Variants in EPB41L2 observed in about 807,000 individuals in gnomAD.
EPB41L2 encodes band 4.1-like protein 2.
EPB41L2 carries 43 observed loss-of-function variants against 113.0 expected under a neutral mutation model. That is an observed-to-expected ratio of 0.38 (90% CI 0.30 to 0.49). EPB41L2 has a LOEUF of 0.49. Among genes scored for constraint, EPB41L2 ranks in the 20% least tolerant of loss-of-function variants. The pLI is 0.95. For synonymous variants in EPB41L2, 442 were observed against 436.7 expected (o/e 1.01, Z -0.15); for missense variants, 1,147 against 1,223.4 (o/e 0.94, Z 0.93).
intron 1 of EPB41L2, among the ~76,000 whole-genome samples, chr6:130,978,311 C>T (rs894339660): frequency 2.0e-5 from 3 of 152,198 alleles, no homozygotes; most frequent in African/African-American, 7.2e-5. Context: ...GAGGTACAGC[C>T]CCAATCTGGG....
intron 3 of EPB41L2, among the ~76,000 whole-genome samples, chr6:130,937,779 G>A (rs935544503): frequency 1.3e-5 from 2 of 148,686 alleles, no homozygotes; most frequent in African/African-American, 5.1e-5. Flanking sequence ...TCGTGCCACT[G>A]CCCTCCGGCC....
intron 1 of EPB41L2, among the ~76,000 whole-genome samples, chr6:131,048,008 G>A (rs1304661130): frequency 2.0e-5 from 3 of 151,420 alleles, no homozygotes; most frequent in Admixed American, 6.6e-5. Context: ...GCATAGTGGC[G>A]GGTACATGTA....
At chr6:131,048,155 A>AAAAAAAG (rs1562797570) in intron 1 of EPB41L2, among the ~76,000 whole-genome samples, 1 of 93,710 alleles carries the variant, frequency 1.1e-5, no homozygotes, top group African/African-American at 3.1e-5. Flanking sequence ...AAAAAAAAAA[A>AAAAAAAG]AAGAAAAAAA....
chr6:131,045,308 C>T (rs1312238666), intron 1 of EPB41L2, among the ~76,000 whole-genome samples: 4 of 103,844 alleles, frequency 3.9e-5, no homozygotes, highest in African/African-American at 9.5e-5. Context: ...ACATTTTACA[C>T]AAAATATTTC....
At chr6:130,865,208 C>G (rs977383342) in intron 17 of EPB41L2, among the ~76,000 whole-genome samples, 1 of 152,198 alleles carries the variant, frequency 6.6e-6, no homozygotes, top group African/African-American at 2.4e-5. Flanking sequence ...TCGCTTTAGT[C>G]AGGAGGGCTG....
chr6:130,919,424 A>G (rs1352056897), intron 4 of EPB41L2, among the ~76,000 whole-genome samples: 1 of 152,048 alleles, frequency 6.6e-6, no homozygotes. Context: ...TCATCATCAC[A>G]TAGTTCTTCA....
Position 130,863,705 on chromosome 6 carries a change from C to T in EPB41L2, c.2843G>A (p.Gly948Glu), listed in dbSNP as rs1450845776. 59 of 1,612,844 alleles carry T rather than the reference C, an allele frequency of 3.7e-5. No individual in the cohort carries two copies. The highest frequency in any genetic ancestry group is 5.0e-5 in the Non-Finnish European group (59 of 1,179,064). Reference protein sequence around the residue: ...TTHITKTVKGGISETRIEKRI... With the variant: ...TTHITKTVKGEISETRIEKRI... ...TTTCTCAATTCTTGTTTCAGAAATTCCACCTTTTACAGTCTAAAGGTCATA... is the reference window on the plus strand; with the variant it reads ...TTTCTCAATTCTTGTTTCAGAAATTTCACCTTTTACAGTCTAAAGGTCATA... Residue 948 changes from glycine to glutamate, a missense_variant, in exon 18 of 20, where the codon GGA becomes GAA. Transcript: ENST00000337057.
intron 1 of EPB41L2, among the ~76,000 whole-genome samples, chr6:130,969,478 G>C (rs1170143403): frequency 6.6e-6 from 1 of 152,118 alleles, no homozygotes; most frequent in Admixed American, 6.5e-5. Flanking sequence ...CTGGATGTCA[G>C]AATCTGGGCA....
chr6:130,996,968 G>A (rs888948062), intron 1 of EPB41L2, among the ~76,000 whole-genome samples: 2 of 152,166 alleles, frequency 1.3e-5, no homozygotes, highest in Non-Finnish European at 1.5e-5. Flanking sequence ...TTTAAGGGCA[G>A]TACAAAACAG....
chr6:130,956,146 T>C lies in EPB41L2; in HGVS notation c.340A>G (p.Lys114Glu). 2 of 1,614,210 alleles carry C rather than the reference T, an allele frequency of 1.2e-6. No individual in the cohort carries two copies. Among genetic ancestry groups the C allele is most frequent in the Non-Finnish European group, 1.7e-6 (2 of 1,180,036 alleles). Residue 114 changes from lysine to glutamate, a missense_variant, in exon 2 of 20, where the codon AAA (lysine) becomes GAA (glutamate). Physicochemically the swap from Lys to Glu is moderately conservative, Grantham distance 56. Transcript: ENST00000337057. ...QAVVEEQVLD[K>E]EEPLPEEQRQ... ...TGTTCTTCTGGAAGGGGTTCCTCTT[T>C]ATCTAAGACCTGTTCTTCAACAACA...
chr6:130,955,807 G>A (rs1044343478), intron 2 of EPB41L2, among the ~76,000 whole-genome samples, 187 bp downstream of exon 2: 15 of 152,102 alleles, frequency 9.9e-5, no homozygotes, highest in African/African-American at 3.6e-4. Context: ...ATATATAGGG[G>A]ACTTTTTTTT....
At chr6:130,911,103 T>A (rs567662842) in intron 4 of EPB41L2, among the ~76,000 whole-genome samples, 6 of 152,262 alleles carry the variant, frequency 3.9e-5, no homozygotes, top group African/African-American at 1.4e-4. Context: ...CTATTCACAA[T>A]AGCAATGACT....
chr6:130,939,466 GCTGGTCTCAAACTC>G (rs1420962678), intron 3 of EPB41L2, among the ~76,000 whole-genome samples: 2 of 152,034 alleles, frequency 1.3e-5, no homozygotes, highest in Non-Finnish European at 2.9e-5. Context: ...TGTTGGCCAG[GCTGGTCTCAAACTC>G]CTGACCTCGT....
At chr6:130,943,875 G>A (rs1022748866) in intron 3 of EPB41L2, among the ~76,000 whole-genome samples, 1 of 152,210 alleles carries the variant, frequency 6.6e-6, no homozygotes, top group Admixed American at 6.5e-5. Context: ...TCTGATAGCA[G>A]CTCCAACAGA....
In EPB41L2 at chr6:130,890,490, A is replaced by G. The variant is rs9388865; in HGVS notation, c.1488-24T>C. 2,920 of 1,507,836 alleles carry G rather than the reference A, an allele frequency of 1.9e-3. 5 individuals carry two copies. Among genetic ancestry groups the G allele is most frequent in the Non-Finnish European group, 2.1e-3 (2,380 of 1,118,516 alleles). The allele number at this position is 1,507,836 out of a possible 1,614,324, so 93.4% of individuals were successfully genotyped here. On this transcript the variant is annotated intron_variant, in intron 10 of 19. Transcript: ENST00000337057. ...GCCTATGGGAGGAAAAAAAAAAAAA[A>G]AGAGAGAGAGAAAGGGGAAGCAAAA...
At chr6:130,900,067 C>T (rs576961241) in intron 7 of EPB41L2, among the ~76,000 whole-genome samples, 1 of 152,126 alleles carries the variant, frequency 6.6e-6, no homozygotes, top group Non-Finnish European at 1.5e-5. Flanking sequence ...TCTATATACC[C>T]AACTAAGTAA....
chr6:130,871,223 C>G (rs77451411), intron 14 of EPB41L2, among the ~76,000 whole-genome samples: 1 of 152,106 alleles, frequency 6.6e-6, no homozygotes, highest in East Asian at 1.9e-4. Flanking sequence ...CCTTTTTGTA[C>G]AGAGGGGTTT....
chr6:130,938,082 G>A (rs767730298), intron 3 of EPB41L2, among the ~76,000 whole-genome samples: 47 of 152,276 alleles, frequency 3.1e-4, no homozygotes, highest in Non-Finnish European at 5.7e-4. Context: ...TCACTTAAAC[G>A]CTTACTTTAT....
At chr6:130,994,410 A>C (rs1343185734) in intron 1 of EPB41L2, among the ~76,000 whole-genome samples, 1 of 152,156 alleles carries the variant, frequency 6.6e-6, no homozygotes, top group Non-Finnish European at 1.5e-5. Context: ...GGCAGGGCAG[A>C]GTGTGTCCTG....
Sources: gnomAD v4.1 joint callset for allele counts (sites outside exome capture counted in the v4.1 genomes callset) on GRCh38, gnomAD v4.1.1 for gene constraint, MANE v1.5 for transcripts, NCBI Gene and HGNC (gene_info 2026-07-23, HGNC 2026-07-21) for gene names.